The following PKD1 variants were observed in gnomAD, a reference collection of about 807,000 sequenced individuals.
The protein encoded by PKD1 is polycystin 1, transient receptor potential channel interacting, also known as polycystin-1.
A neutral mutation model predicts 361.7 loss-of-function variants in PKD1; 81 were observed. The observed-to-expected ratio is 0.22, with a 90% CI of 0.19 to 0.27. The LOEUF (loss-of-function observed/expected upper bound fraction) is 0.27, where lower values mean the gene tolerates loss of function less well. Ranked by LOEUF, PKD1 falls within the 10% of genes least tolerant of loss-of-function variation. PKD1 has a pLI of 1.00. For synonymous variants in PKD1, 3,615 were observed against 2,818.3 expected (o/e 1.28, Z -8.95); for missense variants, 6,399 against 6,118.3 (o/e 1.05, Z -1.53).
chr16:2,102,575 C>T lies in PKD1; in HGVS notation c.9007G>A (p.Ala3003Thr). Residue 3003 changes from alanine (A) to threonine (T), a missense_variant, in exon 25 of 46, where the codon GCG (alanine) becomes ACG (threonine). By Grantham distance (58) the Ala-to-Thr change is moderately conservative. Coordinates refer to ENST00000262304, the MANE Select transcript of PKD1 (RefSeq NM_001009944.3). ...LNLSSHFRWS[A>T]LQVSVGLYTS... The stretch of plus-strand genomic sequence containing the variant: ...TACAGGCCCACGGACACCTGCAGCG[C>T]CGACCAGCGGAAGTGGCTGGAGAGG... 6.2e-7 allele frequency: 1 copy of T among 1,611,184 alleles called. No individual in the cohort carries two copies.
rs748001901 is a variant in PKD1 at position 2,110,582 on chromosome 16, C to T, written c.4585G>A (p.Gly1529Ser). 28 of 1,610,922 alleles carry T rather than the reference C, an allele frequency of 1.7e-5. No individual in the cohort carries two copies. In the South Asian group the frequency reaches 2.2e-4, roughly 13 times the overall value. Residue 1529 changes from glycine to serine, a missense_variant, in exon 15 of 46, where the codon GGC (glycine) becomes AGC (serine). Gly to Ser is a moderately conservative substitution (Grantham distance 56). Transcript: ENST00000262304. The part of the protein sequence containing the change: ...STGDFTVRVA[G>S]WNEVSRSEAW... ...TCGCTGCGGCTCACCTCATTCCAGC[C>T]GGCCACCCTAACGGTGAAGTCACCT...
At chr16:2,091,292 C>A (rs2091537501) in intron 42 of PKD1, 118 bp from the exon 43 acceptor site, 1 of 358,480 alleles carries the variant, frequency 2.8e-6, no homozygotes, top group African/African-American at 3.4e-5. Context: ...CGGGGCGGGG[C>A]CCTGCGAGGG....
chr16:2,109,012 G>C lies in PKD1; in HGVS notation c.6155C>G (p.Thr2052Arg), dbSNP rs769386707. 6.2e-7 allele frequency: 1 copy of C among 1,610,196 alleles called. No homozygotes were observed. The highest frequency in any genetic ancestry group is 8.5e-7 in the Non-Finnish European group (1 of 1,179,034). Residue 2052 changes from threonine (T) to arginine (R), a missense_variant, in exon 15 of 46, where the codon ACG (threonine) becomes AGG (arginine). Transcript: ENST00000262304. The part of the protein sequence containing the change: ...AFNALGSENR[T>R]LVLEVQDAVQ... ...GGCGTCCTGAACCTCCAGCACCAGCGTGCGGTTCTCACTGCCCAGGGCGTT... is the reference window on the plus strand; with the variant it reads ...GGCGTCCTGAACCTCCAGCACCAGCCTGCGGTTCTCACTGCCCAGGGCGTT...
At position 2,092,064 on chromosome 16, in the gene PKD1, T is replaced by G. The variant is rs114241458; in HGVS notation, c.11394A>C (p.Ser3798=). Residue 3798 remains serine (S), a synonymous_variant, in exon 40 of 46, where the codon TCA becomes TCC. Transcript: ENST00000262304. ...PHNGSGTWAY[S]APDLLGAWSW... ...CTGCTCACCCCAGCAGATCCGGCGCTGAATAGGCCCACGTCCCCGAGCCAT... is the reference window on the plus strand; with the variant it reads ...CTGCTCACCCCAGCAGATCCGGCGCGGAATAGGCCCACGTCCCCGAGCCAT... 3.8e-5 allele frequency: 61 copies of G among 1,612,750 alleles called. No homozygotes were observed. The African/African-American group carries it at 6.9e-4, about 18-fold the overall frequency.
In PKD1 at chr16:2,110,499, G is replaced by A; in HGVS notation, c.4668C>T (p.Ser1556=). 6.2e-7 allele frequency: 1 copy of A among 1,612,304 alleles called. No individual in the cohort carries two copies. The highest frequency in any genetic ancestry group is 1.7e-4 in the Middle Eastern group (1 of 5,962). ...RRVRGLVVNA[S]RTVVPLNGSV... ...TCCCATTCAGGGGCACCACCGTGCGGCTTGCATTGACGACGAGCCCCCGCA... is the reference window on the plus strand; with the variant it reads ...TCCCATTCAGGGGCACCACCGTGCGACTTGCATTGACGACGAGCCCCCGCA... Residue 1556 remains serine (S), a synonymous_variant, in exon 15 of 46, where the codon AGC becomes AGT. Coordinates refer to ENST00000262304, the MANE Select transcript of PKD1 (RefSeq NM_001009944.3).
intron 1 of PKD1, among the ~76,000 whole-genome samples, chr16:2,130,749 G>A (rs900900825): frequency 1.3e-5 from 2 of 152,190 alleles, no homozygotes; most frequent in African/African-American, 4.8e-5. Context: ...CCCGGGGTCT[G>A]CGCCTGCTGT....
Position 2,105,846 on chromosome 16 carries a change from C to T in PKD1, c.7863+19G>A. 1.3e-6 allele frequency: 2 copies of T among 1,593,972 alleles called. No individual in the cohort carries two copies. Among genetic ancestry groups the T allele is most frequent in the Non-Finnish European group, 1.7e-6 (2 of 1,177,738 alleles). On this transcript the variant is annotated intron_variant, in intron 20 of 45. Transcript: ENST00000262304. ...CACGCATGCAGCAGATGTGACGTCC[C>T]CTCCCAGGCTGCACTCACCTCGTTC... is the stretch of plus-strand genomic sequence containing the variant.
rs763255714 is a variant in PKD1 at position 2,090,105 on chromosome 16, G to A, written c.12534C>T (p.Pro4178=). The change falls in exon 46 of 46, where the codon CCC becomes CCT. Residue 4178 remains proline (P), a synonymous_variant. Coordinates refer to ENST00000262304, the MANE Select transcript of PKD1 (RefSeq NM_001009944.3). The stretch of plus-strand genomic sequence containing the variant: ...GGTGCGAGGCATCGGAGCCAGCGCT[G>A]GGTGGGGGCACATCCGGGGATACCT... ...GSKVSPDVPP[P]SAGSDASHPS... 3 of 1,604,540 alleles carry A rather than the reference G, an allele frequency of 1.9e-6. No homozygotes were observed. The highest frequency in any genetic ancestry group is 1.1e-5 in the South Asian group (1 of 90,700).
chr16:2,116,161 A>C, intron 8 of PKD1, 43 bp from the exon 9 acceptor site: 2 of 1,550,394 alleles, frequency 1.3e-6, no homozygotes, highest in Non-Finnish European at 1.7e-6. Context: ...ACCCCATCCC[A>C]GCCTGAAGCC....
chr16:2,125,209 A>G (rs1414706679), intron 1 of PKD1, among the ~76,000 whole-genome samples: 2 of 151,960 alleles, frequency 1.3e-5, no homozygotes, highest in African/African-American at 4.8e-5. Context: ...TGCTCATTTG[A>G]AAAAAAACAG....
intron 31 of PKD1, 22 bp from the exon 32 acceptor site, chr16:2,097,802 G>C (rs1454246706): frequency 1.9e-6 from 3 of 1,611,434 alleles, no homozygotes; most frequent in Non-Finnish European, 2.5e-6. Flanking sequence ...ACAGTGTCTT[G>C]AGTCCAAGCT....
Position 2,117,981 on chromosome 16 carries a change from C to G in PKD1, c.1011G>C (p.Leu337=). The G allele has an allele frequency of 1.3e-6, 2 of 1,554,828 alleles. No individual in the cohort carries two copies. The highest frequency in any genetic ancestry group is 1.7e-6 in the Non-Finnish European group (2 of 1,148,196). Residue 337 remains leucine, a synonymous_variant, in exon 5 of 46, where the codon CTG becomes CTC. Transcript: ENST00000262304. ...GCAGGGCTGAGCCGGCCCCCAGGGC[C>G]AGCACGGCCGTCACGTGATAGCGCC... The part of the protein sequence containing the change: ...LPGRYHVTAV[L]ALGAGSALLG...
chr16:2,104,677 G>A (rs1482822355), intron 21 of PKD1, 35 bp from the exon 22 acceptor site: 6 of 1,298,096 alleles, frequency 4.6e-6, no homozygotes, highest in East Asian at 4.8e-5. Context: ...CCCCGCTCCT[G>A]GCCCCACTCC....
chr16:2,129,463 A>G lies in PKD1; in HGVS notation c.215+6012T>C, dbSNP rs1190166074. Among the ~76,000 whole-genome samples, 9 of 151,274 alleles carry G rather than the reference A, an allele frequency of 5.9e-5. No homozygotes were observed. The East Asian group carries it at 1.7e-3, about 29-fold the overall frequency. On this transcript the variant is annotated intron_variant, in intron 1 of 45. Coordinates refer to ENST00000262304, the MANE Select transcript of PKD1 (RefSeq NM_001009944.3). The stretch of plus-strand genomic sequence containing the variant: ...TTTGATTTACGTTTCCCTCATGACT[A>G]ATGAGGCCGACCATCTTCTCACACG...
At position 2,118,123 on chromosome 16, in the gene PKD1, G is replaced by A; in HGVS notation, c.869C>T (p.Ala290Val). 1 of 1,602,312 alleles carries A rather than the reference G, an allele frequency of 6.2e-7. No homozygotes were observed. Among genetic ancestry groups the A allele is most frequent in the Non-Finnish European group, 8.5e-7 (1 of 1,176,386 alleles). ...GAGCGGGGCAGCGATGTGGAAGGCTGCTAGCTGGCCAGAGGCCAGAGGTCC... is the reference window on the plus strand; with the variant it reads ...GAGCGGGGCAGCGATGTGGAAGGCTACTAGCTGGCCAGAGGCCAGAGGTCC... ...PHGPLASGQL[A>V]AFHIAAPLPV... The change falls in exon 5 of 46, where the codon GCA (alanine) becomes GTA (valine). Residue 290 changes from alanine to valine, a missense_variant. Transcript: ENST00000262304. This position sits in a 1 kb window ranked among gnomAD's most constrained non-coding sequence, Gnocchi z 6.0.
At chr16:2,128,543 AT>A (rs1439188462) in intron 1 of PKD1, among the ~76,000 whole-genome samples, 1 of 152,138 alleles carries the variant, frequency 6.6e-6, no homozygotes, top group Non-Finnish European at 1.5e-5. Flanking sequence ...TGATGAAATC[AT>A]CACCACGGCT....
In PKD1 at chr16:2,109,960, A is replaced by G. The variant is rs1361802708; in HGVS notation, c.5207T>C (p.Val1736Ala). The change falls in exon 15 of 46, where the codon GTC becomes GCC. Residue 1736 changes from valine (V) to alanine (A), a missense_variant. Val to Ala is a moderately conservative substitution (Grantham distance 64). Transcript: ENST00000262304. ...SPNPAAVNTS[V>A]TLSAELAGGS... is the part of the protein sequence containing the mutation. ...ACCAGCCAGCTCGGCACTGAGGGTG[A>G]CGCTTGTGTTGACGGCAGCTGGGTT... 1 of 1,610,100 alleles carries G rather than the reference A, an allele frequency of 6.2e-7. No individual in the cohort carries two copies. Among genetic ancestry groups the G allele is most frequent in the Non-Finnish European group, 8.5e-7 (1 of 1,179,472 alleles).
At chr16:2,113,010 G>T in intron 12 of PKD1, 47 bp from the exon 13 acceptor site, 1 of 1,542,594 alleles carries the variant, frequency 6.5e-7, no homozygotes, top group Non-Finnish European at 8.8e-7. Context: ...TGAGAGGCCT[G>T]GCCCTGATTG....
intron 32 of PKD1, 43 bp from the exon 33 acceptor site, chr16:2,097,546 C>T (rs1324166182): frequency 6.2e-7 from 1 of 1,603,172 alleles, no homozygotes; most frequent in Admixed American, 1.7e-5. Flanking sequence ...GGATGTGTCA[C>T]ACACACAGCC....
Sources: gnomAD v4.1 joint callset for allele counts (sites outside exome capture counted in the v4.1 genomes callset) on GRCh38, gnomAD v4.1.1 for gene constraint, Gnocchi (gnomAD v3.1) non-coding constraint, MANE v1.5 for transcripts, NCBI Gene and HGNC (gene_info 2026-07-23, HGNC 2026-07-21) for gene names.